GSE1: variants seen among roughly 807,000 people sequenced by gnomAD.
GSE1 encodes the protein Gse1 coiled-coil protein.
A neutral mutation model predicts 112.6 loss-of-function variants in GSE1; 32 were observed. That is an observed-to-expected ratio of 0.28 (90% CI 0.21 to 0.38). GSE1 has a LOEUF of 0.38. GSE1 is among the 10% of genes least tolerant of loss of function. The probability of loss-of-function intolerance (pLI) is 1.00; values close to 1 mark genes in which losing one functional copy is unlikely to be tolerated. For synonymous variants in GSE1, 1,115 were observed against 735.6 expected, an observed-to-expected ratio of 1.52 and a Z score of -8.35; for missense variants, 2,348 against 1,699.2, an observed-to-expected ratio of 1.38 and a Z score of -6.71.
intron 1 of GSE1, among the ~76,000 whole-genome samples, chr16:85,580,945 A>T (rs998918023): frequency 1.3e-5 from 2 of 152,234 alleles, no homozygotes; most frequent in Non-Finnish European, 2.9e-5. Flanking sequence ...TGTTTAAGCC[A>T]CGAAGTCTGG....
intron 1 of GSE1, among the ~76,000 whole-genome samples, chr16:85,250,273 T>C (rs1156364677): frequency 6.6e-6 from 1 of 152,236 alleles, no homozygotes; most frequent in African/African-American, 2.4e-5. Flanking sequence ...CAAAGGGTCC[T>C]GGGTTCCCGG....
chr16:85,535,978 C>A (rs1449147997), intron 2 of GSE1, among the ~76,000 whole-genome samples: 1 of 152,254 alleles, frequency 6.6e-6, no homozygotes, highest in Admixed American at 6.5e-5. Context: ...TAGGCCTAGG[C>A]TTTGGGATTC....
chr16:85,448,647 T>G (rs777011172), intron 2 of GSE1, among the ~76,000 whole-genome samples: 1 of 152,160 alleles, frequency 6.6e-6, no homozygotes, highest in Non-Finnish European at 1.5e-5. Flanking sequence ...CGCCTCTTCC[T>G]CCCTCCATCT....
chr16:85,578,765 C>T (rs751658559), intron 1 of GSE1, among the ~76,000 whole-genome samples: 1 of 152,212 alleles, frequency 6.6e-6, no homozygotes, highest in Non-Finnish European at 1.5e-5. Flanking sequence ...GGCCTTTGCA[C>T]AGGCTAGTCT....
intron 1 of GSE1, among the ~76,000 whole-genome samples, chr16:85,622,147 G>T (rs572977388): frequency 1.3e-5 from 2 of 152,328 alleles, no homozygotes; most frequent in East Asian, 3.9e-4. Flanking sequence ...TGACCAGTTT[G>T]TCCTGTTTGG....
In GSE1 at chr16:85,672,162, C is replaced by G. The variant is rs964024155; in HGVS notation, c.3520-243C>G. ...TACAGGTATACGACACCATGCCTGG[C>G]TAATTTTTTTGTTTAGTAGATGGGG... On this transcript the variant is annotated intron_variant, in intron 15 of 15. Transcript: ENST00000253458. The G allele has an allele frequency of 4.6e-5, 23 of 497,894 alleles. 1 individual carries two copies. The highest frequency in any genetic ancestry group is 3.3e-4 in the African/African-American group (17 of 51,966). 30.8% of individuals were successfully genotyped at this position (497,894 alleles called of 1,614,324 possible).
intron 1 of GSE1, among the ~76,000 whole-genome samples, chr16:85,600,150 C>T (rs2047399783): frequency 6.6e-6 from 1 of 152,246 alleles, no homozygotes; most frequent in African/African-American, 2.4e-5. Context: ...CACGTGGCTT[C>T]TTTGAGCTGA....
upstream of GSE1, among the ~76,000 whole-genome samples, chr16:85,551,447 A>C (rs927113722): frequency 6.6e-6 from 1 of 152,148 alleles, no homozygotes; most frequent in African/African-American, 2.4e-5. Context: ...TGGGTTCCAA[A>C]AGCCACAGCC....
chr16:85,170,775 C>T (rs1456327380), exon 1 of GSE1: 3 of 985,548 alleles, frequency 3.0e-6, no homozygotes, highest in East Asian at 1.1e-4. Flanking sequence ...GCGAGGGCGG[C>T]AGTACCTTGG....
intron 1 of GSE1, among the ~76,000 whole-genome samples, chr16:85,317,657 C>T (rs1402514019): frequency 6.6e-6 from 1 of 152,222 alleles, no homozygotes; most frequent in Non-Finnish European, 1.5e-5. Flanking sequence ...ATGCGCCCTG[C>T]ACAGCCCCCG....
intron 13 of GSE1, 31 bp from the exon 14 acceptor site, chr16:85,668,109 C>G (rs753396729): frequency 6.6e-7 from 1 of 1,521,514 alleles, no homozygotes; most frequent in Non-Finnish European, 8.9e-7. Flanking sequence ...CTTCCCCCAA[C>G]ACACTGATGC....
At chr16:85,628,601 A>C (rs1598441376) in intron 1 of GSE1, among the ~76,000 whole-genome samples, 1 of 151,880 alleles carries the variant, frequency 6.6e-6, no homozygotes, top group African/African-American at 2.4e-5. Context: ...CTGCAGGGAC[A>C]CCCCAGTTCC....
chr16:85,452,367 C>G (rs940099907), intron 2 of GSE1, among the ~76,000 whole-genome samples: 2 of 152,200 alleles, frequency 1.3e-5, no homozygotes, highest in Admixed American at 6.5e-5. Context: ...TGTTCCCACT[C>G]TGGCCCCCAC....
chr16:85,482,069 G>A (rs1250975773), intron 2 of GSE1, among the ~76,000 whole-genome samples: 2 of 152,272 alleles, frequency 1.3e-5, no homozygotes, highest in Admixed American at 1.3e-4. Context: ...CCCATGAAGG[G>A]AGCCGCTGTT....
At chr16:85,277,529 T>TA (rs1325545442) in intron 1 of GSE1, among the ~76,000 whole-genome samples, 2 of 152,128 alleles carry the variant, frequency 1.3e-5, no homozygotes, top group Admixed American at 6.5e-5. Flanking sequence ...TCCGGATTTC[T>TA]AAAAAACTCC....
chr16:85,258,858 G>A (rs1253719592), intron 1 of GSE1, among the ~76,000 whole-genome samples: 1 of 152,136 alleles, frequency 6.6e-6, no homozygotes, highest in Non-Finnish European at 1.5e-5. Flanking sequence ...CCCTCTCCCC[G>A]TTGTTCTGCC....
At chr16:85,383,351 C>T (rs2047603310) in intron 2 of GSE1, among the ~76,000 whole-genome samples, 1 of 151,852 alleles carries the variant, frequency 6.6e-6, no homozygotes, top group Admixed American at 6.6e-5. Flanking sequence ...CATACACCTG[C>T]ACCCAATAGA....
chr16:85,531,117 G>A (rs966413575), intron 2 of GSE1, among the ~76,000 whole-genome samples: 2 of 152,254 alleles, frequency 1.3e-5, no homozygotes, highest in African/African-American at 2.4e-5. Flanking sequence ...CAGTGCAGGA[G>A]CTTTATTTGG....
chr16:85,456,114 G>A (rs2049819250), intron 2 of GSE1, among the ~76,000 whole-genome samples: 3 of 152,204 alleles, frequency 2.0e-5, no homozygotes, highest in Admixed American at 6.5e-5. Flanking sequence ...AGGAAGCTGT[G>A]CCTCCCTGAG....
Sources: gnomAD v4.1 joint callset for allele counts (sites outside exome capture counted in the v4.1 genomes callset) on GRCh38, gnomAD v4.1.1 for gene constraint, MANE v1.5 for transcripts, NCBI Gene and HGNC (gene_info 2026-07-23, HGNC 2026-07-21) for gene names.